C12orf42: variants seen among roughly 807,000 people sequenced by gnomAD.
C12orf42 encodes chromosome 12 open reading frame 42.
A neutral mutation model predicts 21.6 loss-of-function variants in C12orf42; 25 were observed. The observed-to-expected ratio is 1.16, with a 90% CI of 0.84 to 1.62. The LOEUF is 1.62. Among genes scored for constraint, C12orf42 ranks in the 40% most tolerant of loss-of-function variants. The pLI is 0.00. For missense variants in C12orf42, 483 were observed against 459.3 expected, an observed-to-expected ratio of 1.05 and a Z score of -0.47; for synonymous variants, 174 against 175.0, an observed-to-expected ratio of 0.99 and a Z score of 0.05.
intron 4 of C12orf42, among the ~76,000 whole-genome samples, chr12:103,366,907 C>A (rs1393274702): frequency 6.6e-6 from 1 of 152,006 alleles, no homozygotes; most frequent in Non-Finnish European, 1.5e-5. Flanking sequence ...CTTTAAAGAA[C>A]TAAAAGTAGA....
chr12:103,361,319 A>G (rs12578952), intron 4 of C12orf42, among the ~76,000 whole-genome samples: 47,101 of 151,944 alleles, frequency 0.31, 7,678 homozygotes, highest in South Asian at 0.44. Flanking sequence ...GAGCTGAGTC[A>G]ATTTAGAGAG....
At chr12:103,480,926 A>C (rs1223680654) in intron 1 of C12orf42, among the ~76,000 whole-genome samples, 3 of 151,676 alleles carry the variant, frequency 2.0e-5, no homozygotes, top group African/African-American at 7.2e-5. Flanking sequence ...CAAATCATCT[A>C]TATCCCTTGA....
intron 10 of C12orf42, among the ~76,000 whole-genome samples, chr12:103,257,626 C>T (rs2034678784): frequency 1.4e-5 from 2 of 146,846 alleles, no homozygotes; most frequent in Admixed American, 1.3e-4. Context: ...GTGTGGAAAA[C>T]ACATAGTTAA....
At chr12:103,357,013 G>A (rs1212091271) in intron 4 of C12orf42, among the ~76,000 whole-genome samples, 5 of 151,194 alleles carry the variant, frequency 3.3e-5, no homozygotes, top group African/African-American at 4.9e-5. Context: ...GGATGAAATT[G>A]GAAATCATCA....
chr12:103,393,487 T>C (rs530542875), intron 3 of C12orf42, among the ~76,000 whole-genome samples: 401 of 152,256 alleles, frequency 2.6e-3, no homozygotes, highest in Non-Finnish European at 4.1e-3. Context: ...AACATGAGAT[T>C]TGGAGGAGAC....
intron 4 of C12orf42, among the ~76,000 whole-genome samples, chr12:103,341,930 G>T (rs937960524): frequency 5.3e-5 from 8 of 152,216 alleles, no homozygotes; most frequent in Non-Finnish European, 1.2e-4. Context: ...CCATAATCAT[G>T]TGAGTCAATA....
the C12orf42 span, among the ~76,000 whole-genome samples, chr12:103,197,713 T>A: frequency 3.9e-5 from 6 of 152,366 alleles, no homozygotes; most frequent in Admixed American, 2.0e-4. Flanking sequence ...ATCTTTGAAG[T>A]TGCTTCCTTT....
At chr12:103,310,455 G>A (rs1384411859) in intron 4 of C12orf42, among the ~76,000 whole-genome samples, 1 of 152,172 alleles carries the variant, frequency 6.6e-6, no homozygotes, top group Non-Finnish European at 1.5e-5. Flanking sequence ...TTATGCATGT[G>A]AAAACCTCTG....
At chr12:103,371,531 A>C (rs1430172456) in intron 3 of C12orf42, among the ~76,000 whole-genome samples, 1 of 152,168 alleles carries the variant, frequency 6.6e-6, no homozygotes, top group Non-Finnish European at 1.5e-5. Flanking sequence ...AGTCTTTCTT[A>C]AAAATCATCA....
intron 4 of C12orf42, among the ~76,000 whole-genome samples, chr12:103,321,051 G>T (rs2040043628): frequency 6.6e-6 from 1 of 152,106 alleles, no homozygotes; most frequent in African/African-American, 2.4e-5. Flanking sequence ...AAGTACTTTA[G>T]AAAGTTTTTT....
At chr12:103,515,053 C>T in the C12orf42 span, among the ~76,000 whole-genome samples, 1 of 152,158 alleles carries the variant, frequency 6.6e-6, no homozygotes, top group Non-Finnish European at 1.5e-5. Context: ...GCTAAACATC[C>T]TGTAATGTAC....
At chr12:103,548,110 G>A in the C12orf42 span, among the ~76,000 whole-genome samples, 7 of 152,190 alleles carry the variant, frequency 4.6e-5, no homozygotes, top group South Asian at 2.1e-4. Context: ...TGGGGCCTGC[G>A]TCAGGGGTCT....
At chr12:103,145,990 G>A in the C12orf42 span, among the ~76,000 whole-genome samples, 1 of 151,820 alleles carries the variant, frequency 6.6e-6, no homozygotes, top group Non-Finnish European at 1.5e-5. Flanking sequence ...GAGAGAGAGG[G>A]AGAAAACCAT....
At chr12:103,407,226 A>T (rs968884240) in intron 2 of C12orf42, among the ~76,000 whole-genome samples, 1 of 152,140 alleles carries the variant, frequency 6.6e-6, no homozygotes, top group African/African-American at 2.4e-5. Flanking sequence ...CCAAGTGATT[A>T]AAAAAAGAGA....
chr12:103,177,354 C>A, the C12orf42 span, among the ~76,000 whole-genome samples: 3 of 152,104 alleles, frequency 2.0e-5, no homozygotes, highest in African/African-American at 7.2e-5. Context: ...TATGTAAAGG[C>A]CTTTGACCAA....
chr12:103,137,330 T>G, the C12orf42 span, among the ~76,000 whole-genome samples: 2 of 151,648 alleles, frequency 1.3e-5, no homozygotes, highest in Non-Finnish European at 2.9e-5. Flanking sequence ...TATCATCCCA[T>G]TCCTACTTAG....
Position 103,302,121 on chromosome 12 carries a change from G to T in C12orf42, c.1070C>A (p.Ala357Asp). 6.2e-7 allele frequency: 1 copy of T among 1,611,900 alleles called. No individual in the cohort carries two copies. Among genetic ancestry groups the T allele is most frequent in the South Asian group, 1.1e-5 (1 of 90,680 alleles). The stretch of plus-strand genomic sequence containing the variant: ...CCCTCGCAGCGGTCAATGTAAGTGA[G>T]CATTCACCACCGGCCTAGAAAGGGC... ...SQALSRPVVN[A>D]HLH is the part of the protein sequence containing the mutation. Residue 357 changes from alanine to aspartate, a missense_variant, in exon 6 of 6, where the codon GCT becomes GAT. Physicochemically the swap from Ala to Asp is moderately radical, Grantham distance 126. Transcript: ENST00000548883.
the C12orf42 span, among the ~76,000 whole-genome samples, chr12:103,097,565 C>T: frequency 1.5e-4 from 23 of 152,162 alleles, no homozygotes; most frequent in African/African-American, 5.6e-4. Context: ...AAAATGCCTG[C>T]TGCTTTAACA....
chr12:103,528,130 T>C, the C12orf42 span, among the ~76,000 whole-genome samples: 1 of 152,138 alleles, frequency 6.6e-6, no homozygotes, highest in Admixed American at 6.5e-5. Context: ...AATGAATCAA[T>C]GAATGAATGG....
Sources: allele counts gnomAD v4.1 joint callset (sites outside exome capture counted in the v4.1 genomes callset), GRCh38; gene constraint gnomAD v4.1.1; transcripts MANE v1.5; gene names NCBI Gene and HGNC (gene_info 2026-07-23, HGNC 2026-07-21).